LMO7: variants seen among roughly 807,000 people sequenced by gnomAD.
The protein encoded by LMO7 is LIM domain only protein 7.
A neutral mutation model predicts 206.5 loss-of-function variants in LMO7; 120 were observed. The observed-to-expected ratio is 0.58, with a 90% CI of 0.50 to 0.68. The LOEUF (loss-of-function observed/expected upper bound fraction) is 0.68. Among genes scored for constraint, LMO7 ranks in the 30% least tolerant of loss-of-function variants. The pLI is 0.00. For missense variants in LMO7, 1,959 were observed against 1,957.9 expected, an observed-to-expected ratio of 1.00 and a Z score of -0.01; for synonymous variants, 706 against 681.5, an observed-to-expected ratio of 1.04 and a Z score of -0.56.
At chr13:75,774,234 TG>T (rs2050100549) in intron 4 of LMO7, among the ~76,000 whole-genome samples, 1 of 152,192 alleles carries the variant, frequency 6.6e-6, no homozygotes, top group Middle Eastern at 3.2e-3. Flanking sequence ...ACCTCTTACC[TG>T]AACTCTAGCC....
intron 1 of LMO7, among the ~76,000 whole-genome samples, chr13:75,702,837 G>T (rs1323715978): frequency 6.6e-6 from 1 of 152,144 alleles, no homozygotes; most frequent in East Asian, 1.9e-4. Flanking sequence ...TGCTTTCTTT[G>T]TATCTTAGTT....
intron 1 of LMO7, among the ~76,000 whole-genome samples, chr13:75,673,089 A>G (rs1290408397): frequency 6.6e-6 from 1 of 152,224 alleles, no homozygotes; most frequent in Non-Finnish European, 1.5e-5. Flanking sequence ...TTGTGGATTC[A>G]CATGCTTTAA....
exon 1 of LMO7, chr13:75,620,711 C>G (rs2033270826): frequency 6.6e-6 from 1 of 152,164 alleles, no homozygotes; most frequent in Non-Finnish European, 1.5e-5. Context: ...GAGATCTCAT[C>G]TGATATAACT....
At chr13:75,798,854 A>G (rs999261973) in intron 6 of LMO7, among the ~76,000 whole-genome samples, 9 of 152,234 alleles carry the variant, frequency 5.9e-5, no homozygotes, top group Admixed American at 1.3e-4. Context: ...TTATTTTATA[A>G]CTGAAGTGGC....
intron 1 of LMO7, among the ~76,000 whole-genome samples, chr13:75,668,101 G>T (rs985790047): frequency 6.6e-6 from 1 of 152,170 alleles, no homozygotes; most frequent in African/African-American, 2.4e-5. Flanking sequence ...CTAGCTACTT[G>T]GGAGGCTGAG....
At chr13:75,669,554 T>C (rs1301646321) in intron 1 of LMO7, among the ~76,000 whole-genome samples, 2 of 152,046 alleles carry the variant, frequency 1.3e-5, no homozygotes, top group Non-Finnish European at 2.9e-5. Flanking sequence ...CAAGGAGAGA[T>C]TGCATGATAG....
At chr13:75,625,390 T>A (rs1002863652) in intron 2 of LMO7, among the ~76,000 whole-genome samples, 4 of 151,768 alleles carry the variant, frequency 2.6e-5, no homozygotes, top group Non-Finnish European at 5.9e-5. Context: ...GCCCTTTGAG[T>A]ATGTAAAGGT....
At chr13:75,816,644 G>A (rs2057027878) in intron 11 of LMO7, 1 of 149,188 alleles carries the variant, frequency 6.7e-6, no homozygotes, top group African/African-American at 2.4e-5. Context: ...TAGTGCAGTG[G>A]TAGGGCGGAT....
chr13:75,855,002 C>T, intron 28 of LMO7: 1 of 377,918 alleles, frequency 2.6e-6, no homozygotes. Context: ...TCAGAAACTG[C>T]AGGATGGACT....
chr13:75,764,321 A>G (rs2048573288), intron 4 of LMO7, among the ~76,000 whole-genome samples: 1 of 152,142 alleles, frequency 6.6e-6, no homozygotes, highest in Non-Finnish European at 1.5e-5. Context: ...TTTACTAAAC[A>G]TCCATACTGA....
intron 1 of LMO7, among the ~76,000 whole-genome samples, chr13:75,664,067 A>ATTTG (rs2038883174): frequency 6.6e-6 from 1 of 152,132 alleles, no homozygotes; most frequent in African/African-American, 2.4e-5. Context: ...CCTAGCAAAT[A>ATTTG]CTAGGACTTA....
intron 3 of LMO7, among the ~76,000 whole-genome samples, chr13:75,732,170 C>T (rs2045310971): frequency 6.6e-6 from 1 of 152,084 alleles, no homozygotes; most frequent in Non-Finnish European, 1.5e-5. Context: ...GAATGTTGGC[C>T]TGCCTTGCTA....
At chr13:75,646,800 G>A (rs544801336) in intron 1 of LMO7, among the ~76,000 whole-genome samples, 2 of 151,988 alleles carry the variant, frequency 1.3e-5, no homozygotes, top group Admixed American at 1.3e-4. Context: ...GATCAGGCTG[G>A]TCTCTAACTC....
chr13:75,737,003 C>T (rs573640456), intron 3 of LMO7, among the ~76,000 whole-genome samples: 22 of 152,174 alleles, frequency 1.4e-4, no homozygotes, highest in African/African-American at 5.1e-4. Context: ...TTGAATTGTT[C>T]CCCCCAACCC....
At chr13:75,740,587 C>T (rs1333923182) in intron 3 of LMO7, among the ~76,000 whole-genome samples, 3 of 152,170 alleles carry the variant, frequency 2.0e-5, no homozygotes, top group African/African-American at 7.2e-5. Context: ...TCTGTTTTCT[C>T]TTCTGGAATT....
intron 4 of LMO7, among the ~76,000 whole-genome samples, chr13:75,762,381 G>A (rs573378973): frequency 6.6e-6 from 1 of 152,198 alleles, no homozygotes; most frequent in South Asian, 2.1e-4. Context: ...TCTTCATAAG[G>A]CCTATCTGAT....
At chr13:75,762,799 T>C (rs2048362707) in intron 4 of LMO7, among the ~76,000 whole-genome samples, 1 of 152,148 alleles carries the variant, frequency 6.6e-6, no homozygotes, top group African/African-American at 2.4e-5. Flanking sequence ...TGACTTCACT[T>C]AAGAACATTT....
intron 2 of LMO7, among the ~76,000 whole-genome samples, chr13:75,629,367 T>A (rs181055632): frequency 1.3e-5 from 2 of 152,262 alleles, no homozygotes; most frequent in East Asian, 3.9e-4. Flanking sequence ...TGCTTATGGT[T>A]CAGTGAGGAA....
intron 1 of LMO7, among the ~76,000 whole-genome samples, chr13:75,689,350 C>T (rs1007022354): frequency 6.6e-6 from 1 of 152,220 alleles, no homozygotes; most frequent in South Asian, 2.1e-4. Context: ...ATTAAATGCT[C>T]ATGTCCTGGG....
Sources: gnomAD v4.1 joint callset for allele counts (sites outside exome capture counted in the v4.1 genomes callset) on GRCh38, gnomAD v4.1.1 for gene constraint, MANE v1.5 for transcripts, NCBI Gene and HGNC (gene_info 2026-07-23, HGNC 2026-07-21) for gene names.